The following GDAP2 variants were observed in gnomAD, a reference collection of about 807,000 sequenced individuals.
GDAP2 encodes the protein ganglioside induced differentiation associated protein 2.
In GDAP2, 51 loss-of-function variants were observed where a neutral mutation model predicts 67.0. That is an observed-to-expected ratio of 0.76 (90% confidence interval 0.61 to 0.96). The LOEUF (loss-of-function observed/expected upper bound fraction) is 0.96. Ranked by LOEUF, GDAP2 falls within the 40% of genes least tolerant of loss-of-function variation. The pLI, the probability that GDAP2 is intolerant of heterozygous loss-of-function variation, is 0.00. For synonymous variants in GDAP2, 203 were observed against 207.3 expected, an observed-to-expected ratio of 0.98 and a Z score of 0.18; for missense variants, 547 against 588.3, an observed-to-expected ratio of 0.93 and a Z score of 0.73.
intron 5 of GDAP2, among the ~76,000 whole-genome samples, chr1:117,909,188 A>G (rs1011118208): frequency 6.6e-6 from 1 of 152,224 alleles, no homozygotes; most frequent in African/African-American, 2.4e-5. Flanking sequence ...AATGACATCT[A>G]GGACATTATA....
intron 1 of GDAP2, among the ~76,000 whole-genome samples, chr1:117,926,296 T>G (rs912929588): frequency 3.3e-5 from 5 of 152,228 alleles, no homozygotes; most frequent in Admixed American, 2.0e-4. Context: ...TACTGATCAT[T>G]TCCTCCTCAA....
At chr1:117,897,020 G>C in intron 7 of GDAP2, 31 bp from the exon 8 acceptor site, 1 of 1,508,738 alleles carries the variant, frequency 6.6e-7, no homozygotes, top group Non-Finnish European at 9.0e-7. Flanking sequence ...TCAATAGAGA[G>C]CTTATGCTAA....
chr1:117,921,344 T>C (rs59472618), intron 1 of GDAP2, among the ~76,000 whole-genome samples: 8,567 of 152,210 alleles, frequency 0.056, 589 homozygotes, highest in African/African-American at 0.16. Flanking sequence ...GGAGCATATG[T>C]TTCCATGGAG....
At chr1:117,920,466 G>T in intron 1 of GDAP2, 42 bp from the exon 2 acceptor site, 1 of 639,110 alleles carries the variant, frequency 1.6e-6, no homozygotes, top group Non-Finnish European at 2.7e-6. Context: ...GAGAAGCACA[G>T]ATATTACTTG....
At position 117,868,720 on chromosome 1, in the gene GDAP2, C is replaced by CAAAA. The variant is rs1410428077; in HGVS notation, c.*1848_*1849insTTTT. 3.9e-5 allele frequency: 6 copies of CAAAA among 151,918 alleles called. No homozygotes were observed. Among genetic ancestry groups the CAAAA allele is most frequent in the Non-Finnish European group, 8.8e-5 (6 of 67,994 alleles). 9.4% of individuals were successfully genotyped at this position (151,918 alleles called of 1,614,324 possible). The stretch of plus-strand genomic sequence containing the variant: ...TAGAAGATGAAGTTAAAGTTGCAGA[C>CAAAA]TTTTAAGGTACAGTGCCCAAGGGGT... On this transcript the variant is annotated 3_prime_UTR_variant, in exon 14 of 14. Transcript: ENST00000369443.
At chr1:117,914,836 G>A (rs1649995238) in intron 3 of GDAP2, among the ~76,000 whole-genome samples, 1 of 152,120 alleles carries the variant, frequency 6.6e-6, no homozygotes, top group African/African-American at 2.4e-5. Flanking sequence ...AATTAAGTAC[G>A]AAGGTGGAAG....
intron 9 of GDAP2, 51 bp from the exon 10 acceptor site, chr1:117,886,704 T>C: frequency 1.1e-6 from 1 of 918,124 alleles, no homozygotes; most frequent in Admixed American, 1.7e-5. Flanking sequence ...CCAAGAATAC[T>C]ATTTGTCTTG....
At chr1:117,900,053 T>C (rs1032151151) in intron 6 of GDAP2, among the ~76,000 whole-genome samples, 2 of 152,150 alleles carry the variant, frequency 1.3e-5, no homozygotes, top group East Asian at 1.9e-4. Flanking sequence ...TTATAGCCTT[T>C]ATAAAAAAAC....
rs1472740455 is a variant in GDAP2 at position 117,886,640 on chromosome 1, A to G, written c.1044T>C (p.Cys348=). 5 of 1,562,136 alleles carry G rather than the reference A, an allele frequency of 3.2e-6. No homozygotes were observed. The highest frequency in any genetic ancestry group is 1.7e-5 in the Admixed American group (1 of 59,878). The change falls in exon 10 of 14, where the codon TGT becomes TGC. Residue 348 remains cysteine, a synonymous_variant. Transcript: ENST00000369443. ...CAACTACCACCATCACTGTTCGACC[A>G]CAGTTATCAACACCTATAAACAGGA... ...KALYQTGVDN[C]GRTVMVVVGR... is the part of the protein sequence containing the mutation.
chr1:117,910,677 C>T lies in GDAP2; in HGVS notation c.559+1317G>A, dbSNP rs117216949. Among the ~76,000 whole-genome samples the T allele has an allele frequency of 2.5e-3, 388 of 152,198 alleles. 2 individuals carry two copies. The highest frequency in any genetic ancestry group is 8.9e-3 in the African/African-American group (369 of 41,532). ...CTCTTAAAGATGATTTAGTATAGTT[C>T]GTCTCTGAAATGAGAAGTGTTTTCT... On this transcript the variant is annotated intron_variant, in intron 5 of 13. Transcript: ENST00000369443.
chr1:117,916,316 C>T lies in GDAP2; in HGVS notation c.316+2281G>A, dbSNP rs143156900. Among the ~76,000 whole-genome samples, 266 of 152,120 alleles carry T rather than the reference C, an allele frequency of 1.7e-3. 2 individuals are homozygous for T. The highest frequency in any genetic ancestry group is 6.3e-3 in the African/African-American group (260 of 41,468). On this transcript the variant is annotated intron_variant, in intron 3 of 13. Transcript: ENST00000369443. Reference sequence around the variant, plus strand: ...TGCAAAACTGGAAAGGAGCTTGTGACAAGGTAGTGAGAAGAGATCAGTTTG... The same window carrying T: ...TGCAAAACTGGAAAGGAGCTTGTGATAAGGTAGTGAGAAGAGATCAGTTTG...
At chr1:117,901,611 T>C (rs538306623) in intron 6 of GDAP2, among the ~76,000 whole-genome samples, 5 of 152,372 alleles carry the variant, frequency 3.3e-5, no homozygotes, top group Admixed American at 2.6e-4. Context: ...ATTTCTCTAA[T>C]GGTTAATGGT....
intron 3 of GDAP2, among the ~76,000 whole-genome samples, chr1:117,916,299 T>C (rs1425740853): frequency 1.3e-5 from 2 of 151,888 alleles, no homozygotes; most frequent in South Asian, 2.1e-4. Flanking sequence ...AGTGCAAAAC[T>C]GGAAAGGAGC....
chr1:117,920,571 G>A, intron 1 of GDAP2, 147 bp from the exon 2 acceptor site: 1 of 374,102 alleles, frequency 2.7e-6, no homozygotes, highest in Non-Finnish European at 4.9e-6. Context: ...TAAAAACAAT[G>A]GACAACAAAG....
Position 117,918,673 on chromosome 1 carries a change from T to C in GDAP2, c.240A>G (p.Thr80=). 1 of 1,602,032 alleles carries C rather than the reference T, an allele frequency of 6.2e-7. No homozygotes were observed. The highest frequency in any genetic ancestry group is 8.6e-7 in the Non-Finnish European group (1 of 1,168,986). ...AIVNTSNESL[T]DKNPVSESIF... is the part of the protein sequence containing the mutation. The stretch of plus-strand genomic sequence containing the variant: ...TACTTTCTGACACAGGATTCTTATC[T>C]GTGAGACTTTCATTGCTGGTATTCA... Residue 80 remains threonine, a synonymous_variant, in exon 3 of 14, where the codon ACA becomes ACG. Coordinates refer to ENST00000369443, the MANE Select transcript of GDAP2 (RefSeq NM_017686.4).
chr1:117,873,487 A>C (rs1307388403), intron 13 of GDAP2, among the ~76,000 whole-genome samples: 2 of 152,118 alleles, frequency 1.3e-5, no homozygotes, highest in Non-Finnish European at 2.9e-5. Context: ...GCAAGGCACA[A>C]TTTGAACATG....
At chr1:117,916,695 G>T (rs149947203) in intron 3 of GDAP2, among the ~76,000 whole-genome samples, 394 of 152,194 alleles carry the variant, frequency 2.6e-3, no homozygotes, top group African/African-American at 8.9e-3. Context: ...TTATGTGAGG[G>T]ATAAGAAAAA....
At chr1:117,884,032 C>T (rs922474757) in intron 10 of GDAP2, among the ~76,000 whole-genome samples, 21 of 152,030 alleles carry the variant, frequency 1.4e-4, no homozygotes, top group African/African-American at 4.6e-4. Context: ...TTGAAGTTTC[C>T]GCTTGAATTC....
chr1:117,888,356 T>C (rs1473917006), intron 8 of GDAP2, among the ~76,000 whole-genome samples: 2 of 152,150 alleles, frequency 1.3e-5, no homozygotes, highest in African/African-American at 4.8e-5. Flanking sequence ...TTAGTCAAAC[T>C]AGTTGTAGTG....
Sources: allele counts gnomAD v4.1 joint callset (sites outside exome capture counted in the v4.1 genomes callset), GRCh38; gene constraint gnomAD v4.1.1; transcripts MANE v1.5; gene names NCBI Gene and HGNC (gene_info 2026-07-23, HGNC 2026-07-21).